The following CDC73 variants were observed in gnomAD, a reference collection of about 807,000 sequenced individuals.
CDC73 encodes the protein cell division cycle 73.
CDC73 carries 21 observed loss-of-function variants against 83.7 expected under a neutral mutation model. That is an observed-to-expected ratio of 0.25 (90% CI 0.18 to 0.36). The LOEUF (loss-of-function observed/expected upper bound fraction) is 0.36, where lower values mean the gene tolerates loss of function less well. Among genes scored for constraint, CDC73 ranks in the 10% least tolerant of loss-of-function variants. The pLI is 1.00. For missense variants in CDC73, 342 were observed against 653.3 expected, an observed-to-expected ratio of 0.52 and a Z score of 5.19; for synonymous variants, 224 against 212.9, an observed-to-expected ratio of 1.05 and a Z score of -0.45.
chr1:193,168,827 CCTCTGCTG>C (rs2103148076), intron 10 of CDC73, among the ~76,000 whole-genome samples: 1 of 152,272 alleles, frequency 6.6e-6, no homozygotes. Context: ...GTCTGGCTGA[CCTCTGCTG>C]TTTTAAAGGC....
chr1:193,237,861 C>T (rs780679154), intron 15 of CDC73, among the ~76,000 whole-genome samples: 125 of 152,200 alleles, frequency 8.2e-4, no homozygotes, highest in Non-Finnish European at 1.4e-3. Flanking sequence ...GCAGGTTGGG[C>T]CCGGCAACTG....
chr1:193,205,195 T>TCCCC (rs34118735), intron 11 of CDC73, among the ~76,000 whole-genome samples: 1 of 64,468 alleles, frequency 1.6e-5, no homozygotes, highest in African/African-American at 1.1e-4. Context: ...ATACCACCTG[T>TCCCC]CCCCCCCCCC....
intron 11 of CDC73, among the ~76,000 whole-genome samples, chr1:193,204,245 A>G (rs1179663380): frequency 7.4e-6 from 1 of 135,518 alleles, no homozygotes; most frequent in African/African-American, 2.9e-5. Context: ...ACACGTATAT[A>G]TATGTGTATG....
chr1:193,166,154 T>C (rs1046239561), intron 10 of CDC73, among the ~76,000 whole-genome samples: 1 of 152,154 alleles, frequency 6.6e-6, no homozygotes, highest in African/African-American at 2.4e-5. Context: ...TTGTATAGTT[T>C]AAGTGCATTT....
rs1022223044 is a variant in CDC73 at position 193,208,700 on chromosome 1, T to C, written c.1031-3365T>C. 1.1e-4 allele frequency among the ~76,000 whole-genome samples: 16 copies of C among 152,120 alleles called. 1 individual carries two copies. Among genetic ancestry groups the C allele is most frequent in the African/African-American group, 3.9e-4 (16 of 41,440 alleles). ...ACTTAAATGTAAACTTAATATTGCT[T>C]AAAAAGCCCTACATGAATTGGTCTC... On this transcript the variant is annotated intron_variant, in intron 11 of 16. Transcript: ENST00000367435.
chr1:193,246,115 A>G (rs565018705), intron 15 of CDC73, among the ~76,000 whole-genome samples: 3 of 152,204 alleles, frequency 2.0e-5, no homozygotes, highest in South Asian at 4.1e-4. Context: ...TTTACTGTGC[A>G]GAAGCTTTTT....
chr1:193,208,245 C>T (rs1372910654), intron 11 of CDC73, among the ~76,000 whole-genome samples: 1 of 152,150 alleles, frequency 6.6e-6, no homozygotes, highest in Non-Finnish European at 1.5e-5. Context: ...ATCTCCACTA[C>T]CACAACTCAA....
At chr1:193,130,097 G>T (rs571417398) in intron 2 of CDC73, 77 bp from the exon 3 acceptor site, 200 of 754,520 alleles carry the variant, frequency 2.7e-4, no homozygotes, top group Admixed American at 4.1e-4. Context: ...ATAAAATTCA[G>T]ACATTACATG....
intron 10 of CDC73, among the ~76,000 whole-genome samples, chr1:193,201,949 T>C (rs931778266): frequency 6.6e-6 from 1 of 152,154 alleles, no homozygotes; most frequent in Non-Finnish European, 1.5e-5. Flanking sequence ...AAGAAGGGCT[T>C]TGATTTGAAT....
intron 13 of CDC73, 115 bp downstream of exon 13, chr1:193,212,592 A>C: frequency 1.5e-6 from 1 of 656,764 alleles, no homozygotes; most frequent in East Asian, 2.6e-5. Context: ...TTTCTGTGCT[A>C]TAGGCCTTAC....
At position 193,251,083 on chromosome 1, in the gene CDC73, A is replaced by C; in HGVS notation, c.*371A>C. ...TTTTCATTGCTCTATAATTCTTTTT[A>C]CTGAAAATACTATGTTATGAATGGT... On this transcript the variant is annotated 3_prime_UTR_variant, in exon 17 of 17. Coordinates refer to ENST00000367435, the MANE Select transcript of CDC73 (RefSeq NM_024529.5). 1 of 289,776 alleles carries C rather than the reference A, an allele frequency of 3.5e-6. No individual in the cohort carries two copies. The highest frequency in any genetic ancestry group is 4.7e-5 in the Admixed American group (1 of 21,432). 18.0% of individuals were successfully genotyped at this position (289,776 alleles called of 1,614,324 possible).
chr1:193,166,904 G>A (rs1414313120), intron 10 of CDC73, among the ~76,000 whole-genome samples: 1 of 152,034 alleles, frequency 6.6e-6, no homozygotes, highest in Non-Finnish European at 1.5e-5. Context: ...ATAATAATGT[G>A]CAATACTGAT....
intron 10 of CDC73, among the ~76,000 whole-genome samples, chr1:193,159,343 T>C (rs1037621949): frequency 3.3e-5 from 5 of 152,208 alleles, no homozygotes; most frequent in African/African-American, 1.2e-4. Flanking sequence ...ATTGCCCTTT[T>C]CACTGCTTCT....
intron 13 of CDC73, among the ~76,000 whole-genome samples, chr1:193,231,995 C>G (rs2102057166): frequency 6.6e-6 from 1 of 152,124 alleles, no homozygotes; most frequent in African/African-American, 2.4e-5. Flanking sequence ...GAAAATAAGA[C>G]TTTTAAAATA....
chr1:193,178,140 C>T (rs1293380026), intron 10 of CDC73, among the ~76,000 whole-genome samples: 4 of 151,884 alleles, frequency 2.6e-5, no homozygotes, highest in Non-Finnish European at 4.4e-5. Flanking sequence ...AGTATTGTTG[C>T]GGAAAAGTCA....
At chr1:193,147,750 C>T in intron 7 of CDC73, 117 bp from the exon 8 acceptor site, 1 of 709,858 alleles carries the variant, frequency 1.4e-6, no homozygotes, top group Non-Finnish European at 2.6e-6. Context: ...ATAATGATAC[C>T]TTATGACATA....
At chr1:193,214,906 G>C (rs1018268438) in intron 13 of CDC73, among the ~76,000 whole-genome samples, 1 of 151,920 alleles carries the variant, frequency 6.6e-6, no homozygotes, top group East Asian at 1.9e-4. Context: ...GTGTATATTG[G>C]GTTTGTTGTT....
intron 10 of CDC73, among the ~76,000 whole-genome samples, chr1:193,152,778 A>G (rs557131322): frequency 7.9e-5 from 12 of 151,832 alleles, no homozygotes; most frequent in African/African-American, 2.9e-4. Context: ...TTTTATTTTT[A>G]TTTATTTATT....
intron 11 of CDC73, among the ~76,000 whole-genome samples, chr1:193,210,075 T>C (rs1677251380): frequency 1.3e-5 from 2 of 152,142 alleles, no homozygotes. Flanking sequence ...ATTTCTCAAA[T>C]TGATTTAAGA....
Sources: allele counts gnomAD v4.1 joint callset (sites outside exome capture counted in the v4.1 genomes callset), GRCh38; gene constraint gnomAD v4.1.1; transcripts MANE v1.5; gene names NCBI Gene and HGNC (gene_info 2026-07-23, HGNC 2026-07-21).